The following ACTN4 variants were observed in gnomAD, a reference collection of about 807,000 sequenced individuals.
ACTN4 encodes the protein alpha-actinin-4.
In ACTN4, 18 loss-of-function variants were observed where a neutral mutation model predicts 114.2. That is an observed-to-expected ratio of 0.16 (90% CI 0.11 to 0.23). The LOEUF is 0.23. ACTN4 is among the 10% of genes least tolerant of loss of function. The probability of loss-of-function intolerance (pLI) is 1.00; values close to 1 mark genes in which losing one functional copy is unlikely to be tolerated. For synonymous variants in ACTN4, 515 were observed against 506.3 expected (o/e 1.02, Z -0.23); for missense variants, 722 against 1,262.9 (o/e 0.57, Z 6.49).
At chr19:38,676,751 T>C (rs976054318) in intron 1 of ACTN4, among the ~76,000 whole-genome samples, 1 of 152,132 alleles carries the variant, frequency 6.6e-6, no homozygotes, top group Non-Finnish European at 1.5e-5. Context: ...ATTGTCCCTT[T>C]GTAAGAGCAT....
intron 5 of ACTN4, among the ~76,000 whole-genome samples, chr19:38,706,520 C>T (rs1012434575): frequency 2.0e-5 from 3 of 152,204 alleles, no homozygotes; most frequent in Non-Finnish European, 4.4e-5. Flanking sequence ...CTCAAGTGAT[C>T]CTCCTGTCTC....
At chr19:38,702,571 G>T (rs903173611) in intron 3 of ACTN4, among the ~76,000 whole-genome samples, 2 of 152,196 alleles carry the variant, frequency 1.3e-5, no homozygotes, top group Non-Finnish European at 2.9e-5. Context: ...CTGCGGCCTT[G>T]CCCAGCTCTG....
At chr19:38,709,290 A>G (rs182290573) in intron 6 of ACTN4, 105 bp from the exon 7 acceptor site, 3 of 860,342 alleles carry the variant, frequency 3.5e-6, no homozygotes, top group Middle Eastern at 2.2e-4. Context: ...GAAACCCCCA[A>G]CCCTCGCCCT....
chr19:38,670,935 A>C (rs1307357162), intron 1 of ACTN4, among the ~76,000 whole-genome samples: 1 of 151,616 alleles, frequency 6.6e-6, no homozygotes, highest in Non-Finnish European at 1.5e-5. Context: ...AAAAAAAAAA[A>C]AAACCTGCAG....
At chr19:38,678,131 A>G (rs1017665188) in intron 1 of ACTN4, among the ~76,000 whole-genome samples, 1 of 152,238 alleles carries the variant, frequency 6.6e-6, no homozygotes, top group Non-Finnish European at 1.5e-5. Flanking sequence ...TTTTGTGCTC[A>G]TGTTTACTGA....
At chr19:38,728,226 C>T in intron 19 of ACTN4, 200 bp downstream of exon 19, 2 of 1,431,008 alleles carry the variant, frequency 1.4e-6, no homozygotes, top group African/African-American at 1.4e-5. Context: ...CTCCCCGCCA[C>T]TGTCCTGTCT....
chr19:38,719,293 G>A (rs1016299967), intron 11 of ACTN4, among the ~76,000 whole-genome samples: 3 of 152,204 alleles, frequency 2.0e-5, no homozygotes, highest in South Asian at 2.1e-4. Flanking sequence ...CCCTCCGGCC[G>A]CCACTCCGCC....
chr19:38,699,867 G>A (rs1251415761), intron 1 of ACTN4, among the ~76,000 whole-genome samples: 1 of 152,212 alleles, frequency 6.6e-6, no homozygotes, highest in East Asian at 1.9e-4. Flanking sequence ...ACAGGCGTGT[G>A]TGCAGGGCTC....
intron 8 of ACTN4, among the ~76,000 whole-genome samples, chr19:38,713,640 C>T (rs1176713408): frequency 1.3e-5 from 2 of 152,230 alleles, no homozygotes; most frequent in African/African-American, 2.4e-5. Flanking sequence ...GGCTGGGCGT[C>T]GCTGCCTGCA....
intron 1 of ACTN4, among the ~76,000 whole-genome samples, chr19:38,682,856 C>A (rs1967621747): frequency 6.6e-6 from 1 of 152,184 alleles, no homozygotes; most frequent in Non-Finnish European, 1.5e-5. Flanking sequence ...ACTTATTCAG[C>A]CTCAAATGTC....
At chr19:38,685,805 G>A (rs1158090646) in intron 1 of ACTN4, among the ~76,000 whole-genome samples, 6 of 152,096 alleles carry the variant, frequency 3.9e-5, no homozygotes, top group African/African-American at 9.7e-5. Context: ...TGACTTGGCC[G>A]GGTGGACTGT....
intron 3 of ACTN4, among the ~76,000 whole-genome samples, chr19:38,703,838 C>T (rs1227603102): frequency 1.3e-5 from 2 of 151,926 alleles, no homozygotes; most frequent in African/African-American, 4.8e-5. Context: ...GAAGCCACCA[C>T]GAGAGGTGAC....
chr19:38,713,216 T>A (rs928651414), intron 8 of ACTN4, among the ~76,000 whole-genome samples: 3 of 152,242 alleles, frequency 2.0e-5, no homozygotes, highest in Non-Finnish European at 4.4e-5. Flanking sequence ...CGTTCCCGCC[T>A]CGTTCCTTTA....
rs367562973 is a variant in ACTN4 at position 38,728,041 on chromosome 19, G to A, written c.2418+15G>A. 3.7e-6 allele frequency: 6 copies of A among 1,601,516 alleles called. No individual in the cohort carries two copies. The highest frequency in any genetic ancestry group is 4.3e-6 in the Non-Finnish European group (5 of 1,174,574). The stretch of plus-strand genomic sequence containing the variant: ...ACGACCGGCAGGTACTGCACCCTGG[G>A]CCCCAGCGGACCATGGCATTAACTG... On this transcript the variant is annotated intron_variant, in intron 19 of 20. Coordinates refer to ENST00000252699, the MANE Select transcript of ACTN4 (RefSeq NM_004924.6).
In ACTN4 at chr19:38,727,358, C is replaced by A. The variant is rs913807699; in HGVS notation, c.2337+255C>A. On this transcript the variant is annotated intron_variant, in intron 18 of 20. Coordinates refer to ENST00000252699, the MANE Select transcript of ACTN4 (RefSeq NM_004924.6). The surrounding 1 kb of genome is among the most constrained non-coding windows in gnomAD (Gnocchi z 5.4). ...CCTTCTGGGGTGGCATCCTCACCAC[C>A]CCCAGGGCAGATGAAGTCTCAGCAC... Among the ~76,000 whole-genome samples, 2 of 152,160 alleles carry A rather than the reference C, an allele frequency of 1.3e-5. No homozygotes were observed. Among genetic ancestry groups the A allele is most frequent in the African/African-American group, 2.4e-5 (1 of 41,440 alleles).
At chr19:38,714,693 C>T in intron 9 of ACTN4, 132 bp downstream of exon 9, 2 of 949,392 alleles carry the variant, frequency 2.1e-6, no homozygotes, top group South Asian at 2.8e-5. Context: ...CAGACCATGG[C>T]ATTTAGCCAG....
chr19:38,729,675 T>G lies in ACTN4; in HGVS notation c.*243T>G. The G allele has an allele frequency of 1.4e-6, 1 of 691,362 alleles. No individual in the cohort carries two copies. The highest frequency in any genetic ancestry group is 2.0e-5 in the Admixed American group (1 of 49,312). The allele number at this position is 691,362 out of a possible 1,614,324, so 42.8% of individuals were successfully genotyped here. On this transcript the variant is annotated 3_prime_UTR_variant, in exon 21 of 21. Coordinates refer to ENST00000252699, the MANE Select transcript of ACTN4 (RefSeq NM_004924.6). ...GCGCTTCTGGTCTGGTAAATATGTA[T>G]GATGTGTTGTGCTTTTTTAACCAAG...
At chr19:38,652,251 T>C (rs887860095) in intron 1 of ACTN4, among the ~76,000 whole-genome samples, 23 of 152,244 alleles carry the variant, frequency 1.5e-4, no homozygotes, top group Admixed American at 5.2e-4. Context: ...TAAATATGTG[T>C]GAGAGGCAAG....
At chr19:38,728,202 C>A in intron 19 of ACTN4, 176 bp downstream of exon 19, 1 of 1,339,038 alleles carries the variant, frequency 7.5e-7, no homozygotes, top group Non-Finnish European at 1.0e-6. Flanking sequence ...TCTCTTGGGG[C>A]CGCTGTCTCC....
Sources: allele counts gnomAD v4.1 joint callset (sites outside exome capture counted in the v4.1 genomes callset), GRCh38; gene constraint gnomAD v4.1.1; non-coding constraint Gnocchi (gnomAD v3.1); transcripts MANE v1.5; gene names NCBI Gene and HGNC (gene_info 2026-07-23, HGNC 2026-07-21).